The following NAV1 variants were observed in gnomAD, a reference collection of about 807,000 sequenced individuals.
NAV1 encodes neuron navigator 1.
A neutral mutation model predicts 175.2 loss-of-function variants in NAV1; 18 were observed. That is an observed-to-expected ratio of 0.10 (90% CI 0.07 to 0.15). The LOEUF (loss-of-function observed/expected upper bound fraction) is 0.15. Ranked by LOEUF, NAV1 falls within the 10% of genes least tolerant of loss-of-function variation. The pLI is 1.00. For missense variants in NAV1, 1,731 were observed against 2,436.6 expected (o/e 0.71, Z 6.10); for synonymous variants, 897 against 978.7 (o/e 0.92, Z 1.56).
At position 201,788,997 on chromosome 1, in the gene NAV1, G is replaced by A. The variant is rs566419366; in HGVS notation, c.3166+359G>A. ...CCACAGTCTCTCAAATATATGAAAAGAAAACAGGACATAATAGTAGCTCTT... is the reference window on the plus strand; with the variant it reads ...CCACAGTCTCTCAAATATATGAAAAAAAAACAGGACATAATAGTAGCTCTT... On this transcript the variant is annotated intron_variant, in intron 10 of 29. Transcript: ENST00000367296. The surrounding 1 kb of genome is among the most constrained non-coding windows in gnomAD (Gnocchi z 5.7). 4.3e-4 allele frequency among the ~76,000 whole-genome samples: 65 copies of A among 152,254 alleles called. No individual in the cohort carries two copies. Among genetic ancestry groups the A allele is most frequent in the African/African-American group, 1.6e-3 (65 of 41,546 alleles).
rs773573196 is a variant in NAV1 at position 201,681,739 on chromosome 1, G to A, written c.758-31078G>A. Among the ~76,000 whole-genome samples the A allele has an allele frequency of 6.6e-5, 10 of 152,236 alleles. No individual in the cohort carries two copies. The East Asian group carries it at 7.7e-4, about 12-fold the overall frequency. ...CTGTAATCCTAGCACTTGGGGGGCC[G>A]AGGGGGGCAGATCACTTGAGGTCAG... On this transcript the variant is annotated intron_variant, in intron 1 of 29. Coordinates refer to ENST00000367296, the Ensembl canonical transcript of NAV1.
intron 1 of NAV1, among the ~76,000 whole-genome samples, chr1:201,675,790 G>A (rs140838195): frequency 6.6e-6 from 1 of 152,202 alleles, no homozygotes; most frequent in African/African-American, 2.4e-5. Context: ...GGCCTCCTGA[G>A]GCAACGAAGT....
chr1:201,651,956 G>A (rs1198037609), intron 1 of NAV1, among the ~76,000 whole-genome samples: 2 of 152,026 alleles, frequency 1.3e-5, no homozygotes, highest in African/African-American at 4.8e-5. Context: ...TCCAAACTAA[G>A]CTTTTCCCTG....
rs186700773 is a variant in NAV1 at position 201,673,464 on chromosome 1, A to C, written c.757+24039A>C. On this transcript the variant is annotated intron_variant, in intron 1 of 29. Coordinates refer to ENST00000367296, the Ensembl canonical transcript of NAV1. ...CAGATTGTCAGCCTCCCAAAAAATGAAAATTGACCTCACATCTCTCTTCTC... is the reference window on the plus strand; with the variant it reads ...CAGATTGTCAGCCTCCCAAAAAATGCAAATTGACCTCACATCTCTCTTCTC... 13 of 152,368 alleles carry C rather than the reference A, an allele frequency of 8.5e-5. No individual in the cohort carries two copies. In the East Asian group the frequency reaches 2.5e-3, roughly 29 times the overall value. 9.4% of individuals were successfully genotyped at this position (152,368 alleles called of 1,614,324 possible). A position where few individuals can be genotyped will look rare whatever the true frequency, so the allele number is the denominator to read the frequency against.
intron 1 of NAV1, among the ~76,000 whole-genome samples, chr1:201,663,005 C>T (rs570155845): frequency 1.4e-5 from 2 of 147,360 alleles, no homozygotes; most frequent in East Asian, 4.0e-4. Context: ...CTTGCTCCCT[C>T]TGTTTTTCTA....
chr1:201,794,341 C>T, intron 14 of NAV1, 125 bp from the exon 19 acceptor site: 2 of 800,794 alleles, frequency 2.5e-6, no homozygotes, highest in Non-Finnish European at 4.2e-6. Context: ...TAATGGAGAC[C>T]AGGTGGCCAG....
intron 28 of NAV1, among the ~76,000 whole-genome samples, chr1:201,815,172 C>T (rs1373819222): frequency 1.3e-5 from 2 of 151,802 alleles, no homozygotes; most frequent in Non-Finnish European, 2.9e-5. Flanking sequence ...CCTAGGCATC[C>T]ATCAGTAGAT....
intron 1 of NAV1, among the ~76,000 whole-genome samples, chr1:201,553,795 CA>C (rs1205300305): frequency 6.6e-6 from 1 of 152,210 alleles, no homozygotes; most frequent in African/African-American, 2.4e-5. Flanking sequence ...CTTCTTAGCT[CA>C]GCATAATGTT....
In NAV1 at chr1:201,810,498, C is replaced by T. The variant is rs141373305; in HGVS notation, c.4562-25C>T. The T allele has an allele frequency of 3.8e-6, 6 of 1,586,328 alleles. 2 individuals are homozygous for T. In the African/African-American group the frequency reaches 8.1e-5, roughly 21 times the overall value. On this transcript the variant is annotated intron_variant, in intron 23 of 29. Transcript: ENST00000367296. The surrounding 1 kb of genome is among the most constrained non-coding windows in gnomAD (Gnocchi z 6.0). Reference sequence around the variant, plus strand: ...TATCCTCAAGACCCTGGTCAATACTCATGCTTTCTGGGGTGGGGGTTCAGG... The same window carrying T: ...TATCCTCAAGACCCTGGTCAATACTTATGCTTTCTGGGGTGGGGGTTCAGG...
At chr1:201,586,672 G>A (rs1667037821) in intron 1 of NAV1, among the ~76,000 whole-genome samples, 1 of 152,088 alleles carries the variant, frequency 6.6e-6, no homozygotes, top group African/African-American at 2.4e-5. Context: ...AGAGCAGGGA[G>A]AGAAGGAGAG....
intron 3 of NAV1, among the ~76,000 whole-genome samples, chr1:201,755,265 GC>G (rs140949679): frequency 6.6e-6 from 1 of 151,876 alleles, no homozygotes; most frequent in Admixed American, 6.6e-5. Context: ...ACAAATTGAG[GC>G]CCCCCCTCTA....
At chr1:201,741,719 T>C (rs1169967526) in intron 3 of NAV1, among the ~76,000 whole-genome samples, 1 of 152,222 alleles carries the variant, frequency 6.6e-6, no homozygotes, top group Non-Finnish European at 1.5e-5. Context: ...TCTCTGAGCC[T>C]ATCACTCTTT....
intron 1 of NAV1, among the ~76,000 whole-genome samples, chr1:201,557,149 G>A (rs1666046261): frequency 6.6e-6 from 1 of 152,200 alleles, no homozygotes; most frequent in African/African-American, 2.4e-5. Flanking sequence ...GGCACCAACT[G>A]TGATGGTGAA....
chr1:201,683,369 A>G (rs897568132), intron 1 of NAV1, among the ~76,000 whole-genome samples: 3 of 151,916 alleles, frequency 2.0e-5, no homozygotes, highest in Admixed American at 6.6e-5. Context: ...ATGGAATACA[A>G]TTTTTCCACG....
rs533176122 is a variant in NAV1 at position 201,737,945 on chromosome 1, G to A, written c.1226+19190G>A. 3.3e-5 allele frequency among the ~76,000 whole-genome samples: 5 copies of A among 152,278 alleles called. No individual in the cohort carries two copies. In the South Asian group the frequency reaches 6.2e-4, roughly 19 times the overall value. On this transcript the variant is annotated intron_variant, in intron 3 of 29. Coordinates refer to ENST00000367296, the Ensembl canonical transcript of NAV1. Reference sequence around the variant, plus strand: ...CCCAGGCCAGCTCCAGCACAGCTGCGTGGACAGAGCCTCCCTAGAGAACTC... The same window carrying A: ...CCCAGGCCAGCTCCAGCACAGCTGCATGGACAGAGCCTCCCTAGAGAACTC...
At chr1:201,809,524 T>C in exon 22 of NAV1, 1 of 1,614,034 alleles carries the variant, frequency 6.2e-7, no homozygotes, top group Non-Finnish European at 8.5e-7. Context: ...GAAGCTGTTT[T>C]CCAAGTGTTC....
At chr1:201,620,643 A>G (rs909231841), upstream of NAV1, among the ~76,000 whole-genome samples, 2 of 151,364 alleles carry the variant, frequency 1.3e-5, no homozygotes, top group African/African-American at 4.9e-5. Context: ...GTGTGTGTGT[A>G]ATTTTAGCAG....
chr1:201,611,144 C>G (rs1368252795), intron 2 of NAV1, among the ~76,000 whole-genome samples: 1 of 152,204 alleles, frequency 6.6e-6, no homozygotes, highest in Non-Finnish European at 1.5e-5. Context: ...CCCATGCCCA[C>G]TCTGATGGGG....
upstream of NAV1, among the ~76,000 whole-genome samples, chr1:201,643,337 CTTCT>C (rs148042258): frequency 0.26 from 37,574 of 144,088 alleles, 5,170 homozygotes; most frequent in Admixed American, 0.39. Flanking sequence ...CCTTCCCTCT[CTTCT>C]TTCTTTCTTT....
Sources: gnomAD v4.1 joint callset for allele counts (sites outside exome capture counted in the v4.1 genomes callset) on GRCh38, gnomAD v4.1.1 for gene constraint, Gnocchi (gnomAD v3.1) non-coding constraint, MANE v1.5 for transcripts, NCBI Gene and HGNC (gene_info 2026-07-23, HGNC 2026-07-21) for gene names.